Variants in ANO4 observed in about 807,000 individuals in gnomAD.
ANO4 encodes the protein anoctamin 4, also known as anoctamin-4.
A neutral mutation model predicts 141.9 loss-of-function variants in ANO4; 69 were observed. The ratio of observed to expected loss-of-function variants is 0.49; its 90% CI spans 0.40 to 0.59. ANO4 has a LOEUF of 0.59. ANO4 is among the 20% of genes least tolerant of loss of function. ANO4 has a pLI of 0.00. For synonymous variants in ANO4, 350 were observed against 394.3 expected (o/e 0.89, Z 1.33); for missense variants, 894 against 1,162.2 (o/e 0.77, Z 3.36).
At chr12:100,868,250 T>C (rs1781083269) in intron 1 of ANO4, among the ~76,000 whole-genome samples, 1 of 152,164 alleles carries the variant, frequency 6.6e-6, no homozygotes, top group South Asian at 2.1e-4. Context: ...TGGGTCCCTC[T>C]CAAAGACACC....
chr12:100,961,415 A>G (rs949114580), intron 5 of ANO4, among the ~76,000 whole-genome samples: 2 of 152,194 alleles, frequency 1.3e-5, no homozygotes, highest in Non-Finnish European at 2.9e-5. Context: ...AGTGTTATGT[A>G]TCCTTATGAG....
intron 2 of ANO4, among the ~76,000 whole-genome samples, chr12:100,902,817 A>T (rs1261374721): frequency 2.0e-5 from 3 of 152,198 alleles, no homozygotes; most frequent in Non-Finnish European, 4.4e-5. Flanking sequence ...TTTTCAGAAG[A>T]TGAGGGGCCT....
chr12:100,989,811 ATAGTG>A (rs2044991426), intron 8 of ANO4, among the ~76,000 whole-genome samples: 1 of 142,860 alleles, frequency 7.0e-6, no homozygotes, highest in South Asian at 2.3e-4. Context: ...AGATGGATGG[ATAGTG>A]TATATGGATA....
chr12:101,044,001 T>C lies in ANO4; in HGVS notation c.1251+366T>C, dbSNP rs541745249. On this transcript the variant is annotated intron_variant, in intron 13 of 27. Transcript: ENST00000392977. ...CTCATCTGCAAAATGGAGACCATGA[T>C]GCTTGTTTCACACGGAGTTAAGGTG... 7.2e-5 allele frequency among the ~76,000 whole-genome samples: 11 copies of C among 152,334 alleles called. No individual in the cohort carries two copies. In the East Asian group the frequency reaches 1.9e-3, roughly 27 times the overall value.
At chr12:101,060,706 CT>C (rs971042483) in intron 14 of ANO4, among the ~76,000 whole-genome samples, 1 of 151,364 alleles carries the variant, frequency 6.6e-6, no homozygotes, top group Admixed American at 6.6e-5. Flanking sequence ...GCAATCCTTG[CT>C]TTTTTTTTCT....
chr12:101,042,396 T>C lies in ANO4; in HGVS notation c.1082T>C (p.Leu361Pro), dbSNP rs2047442826. The C allele has an allele frequency of 1.2e-6, 2 of 1,614,074 alleles. No individual in the cohort carries two copies. Among genetic ancestry groups the C allele is most frequent in the Non-Finnish European group, 1.7e-6 (2 of 1,180,020 alleles). ...TGGTTGGGCTGGTACACCGGCATGC[T>C]CTTCCCAGCTGCCTTCATTGGATTG... Reference protein sequence around the residue: ...FAWLGWYTGMLFPAAFIGLFV... With the variant: ...FAWLGWYTGMPFPAAFIGLFV... Residue 361 changes from leucine to proline, a missense_variant, in exon 12 of 28, where the codon CTC becomes CCC. Leu to Pro is a moderately conservative substitution (Grantham distance 98). Transcript: ENST00000392977.
chr12:100,727,945 T>A (rs1267218280), intron 1 of ANO4, among the ~76,000 whole-genome samples: 1 of 152,194 alleles, frequency 6.6e-6, no homozygotes, highest in Non-Finnish European at 1.5e-5. Flanking sequence ...TTCATTATAT[T>A]TTGTTTAACT....
At chr12:101,037,279 T>A in intron 10 of ANO4, 129 bp downstream of exon 10, 1 of 884,112 alleles carries the variant, frequency 1.1e-6, no homozygotes, top group East Asian at 2.4e-5. Flanking sequence ...AATGGGTAAT[T>A]AGGGAGGGTC....
Position 100,723,324 on chromosome 12 carries a change from G to C in ANO4, c.22+5777G>C, listed in dbSNP as rs757510520. ...TTATTTCTCATAGTTCTGGAGGCTG[G>C]AAGTCCCTGTTGGAGGTGGTGGCAG... On this transcript the variant is annotated intron_variant, in intron 1 of 29. Transcript: ENST00000644049. Among the ~76,000 whole-genome samples the C allele has an allele frequency of 3.9e-5, 6 of 152,258 alleles. No individual in the cohort carries two copies. In the South Asian group the frequency reaches 1.2e-3, roughly 32 times the overall value.
At chr12:100,950,236 A>C (rs1212401748) in intron 5 of ANO4, among the ~76,000 whole-genome samples, 2 of 152,170 alleles carry the variant, frequency 1.3e-5, no homozygotes, top group Non-Finnish European at 2.9e-5. Context: ...AAGAAAAAAA[A>C]AGAAAAAGAA....
chr12:101,091,468 C>T (rs2049770458), intron 17 of ANO4, among the ~76,000 whole-genome samples: 1 of 152,088 alleles, frequency 6.6e-6, no homozygotes, highest in Non-Finnish European at 1.5e-5. Flanking sequence ...TTCATCAGAA[C>T]ATCTTAAAAA....
At chr12:101,106,035 A>T (rs1485772042) in intron 22 of ANO4, among the ~76,000 whole-genome samples, 1 of 152,076 alleles carries the variant, frequency 6.6e-6, no homozygotes, top group Non-Finnish European at 1.5e-5. Flanking sequence ...GAACTGAGGA[A>T]GTGGAGGTTG....
At chr12:101,060,647 CT>C (rs1308166704) in intron 14 of ANO4, among the ~76,000 whole-genome samples, 1 of 152,094 alleles carries the variant, frequency 6.6e-6, no homozygotes, top group African/African-American at 2.4e-5. Context: ...GCTTCTCTGT[CT>C]TTTTTGACCT....
At chr12:100,894,823 G>A (rs1157873196) in intron 1 of ANO4, among the ~76,000 whole-genome samples, 7 of 151,814 alleles carry the variant, frequency 4.6e-5, no homozygotes, top group African/African-American at 9.7e-5. Flanking sequence ...AAAATTAGCC[G>A]GGCGTGGTGG....
chr12:101,068,621 G>A (rs2048689652), intron 14 of ANO4: 1 of 1,388,276 alleles, frequency 7.2e-7, no homozygotes, highest in African/African-American at 1.4e-5. Flanking sequence ...CTTTTTACTG[G>A]AGTTAAGGAG....
intron 1 of ANO4, among the ~76,000 whole-genome samples, chr12:100,807,632 G>T (rs978012197): frequency 6.6e-6 from 1 of 152,090 alleles, no homozygotes; most frequent in Non-Finnish European, 1.5e-5. Flanking sequence ...CGTGTGCCAG[G>T]GTGGTTTGTG....
intron 2 of ANO4, among the ~76,000 whole-genome samples, chr12:100,921,361 C>T (rs1328114396): frequency 1.3e-5 from 2 of 152,060 alleles, no homozygotes; most frequent in African/African-American, 4.8e-5. Context: ...GCTGAGTATA[C>T]CTCCTAAGCT....
chr12:100,951,199 A>G (rs1263900054), intron 5 of ANO4, among the ~76,000 whole-genome samples: 2 of 152,206 alleles, frequency 1.3e-5, no homozygotes, highest in Non-Finnish European at 2.9e-5. Flanking sequence ...AGATGTTGGC[A>G]AAGTTGTGGA....
In ANO4 at chr12:101,042,349, G is replaced by C; in HGVS notation, c.1035G>C (p.Glu345Asp). The change falls in exon 12 of 28, where the codon GAG (glutamate) becomes GAC (aspartate). Residue 345 changes from glutamate to aspartate, a missense_variant. Physicochemically the swap from Glu to Asp is conservative, Grantham distance 45. Transcript: ENST00000392977. ...PLDLVRRYFG[E>D]KIGLYFAWLG... ...TCTTTAACAGGCGGTACTTTGGAGA[G>C]AAGATTGGGTTATATTTTGCCTGGT... 1 of 1,614,130 alleles carries C rather than the reference G, an allele frequency of 6.2e-7. No homozygotes were observed. The highest frequency in any genetic ancestry group is 1.1e-5 in the South Asian group (1 of 91,078).
Sources: gnomAD v4.1 joint callset for allele counts (sites outside exome capture counted in the v4.1 genomes callset) on GRCh38, gnomAD v4.1.1 for gene constraint, MANE v1.5 for transcripts, NCBI Gene and HGNC (gene_info 2026-07-23, HGNC 2026-07-21) for gene names.